Variants in STAM observed in about 807,000 individuals in gnomAD.
STAM encodes the protein signal transducing adapter molecule 1.
In STAM, 16 loss-of-function variants were observed where a neutral mutation model predicts 63.4. That is an observed-to-expected ratio of 0.25 (90% confidence interval 0.17 to 0.38). The LOEUF is 0.38. STAM is among the 10% of genes least tolerant of loss of function. STAM has a pLI of 1.00. For synonymous variants in STAM, 238 were observed against 223.9 expected (o/e 1.06, Z -0.56); for missense variants, 636 against 657.1 (o/e 0.97, Z 0.35).
chr10:17,712,862 G>A (rs890571853), intron 13 of STAM, among the ~76,000 whole-genome samples: 2 of 150,814 alleles, frequency 1.3e-5, no homozygotes, highest in African/African-American at 4.8e-5. Context: ...TACTGGCAGC[G>A]GAGCGGTGGG....
At chr10:17,666,385 G>GTTTTTTTTTTTTTTTTTTTT (rs1425682476) in intron 2 of STAM, among the ~76,000 whole-genome samples, 2 of 102,298 alleles carry the variant, frequency 2.0e-5, no homozygotes, top group Admixed American at 1.1e-4. Flanking sequence ...CCTTGGCTTT[G>GTTTTTTTTTTTTTTTTTTTT]TATTTTTTTT....
At chr10:17,664,639 CTA>C (rs1320171879) in intron 2 of STAM, among the ~76,000 whole-genome samples, 4 of 152,044 alleles carry the variant, frequency 2.6e-5, no homozygotes, top group Non-Finnish European at 5.9e-5. Flanking sequence ...TTAGAGAAGA[CTA>C]TAACATGTAA....
chr10:17,707,175 C>G (rs1977342), intron 12 of STAM, among the ~76,000 whole-genome samples: 1 of 151,794 alleles, frequency 6.6e-6, no homozygotes, highest in Non-Finnish European at 1.5e-5. Flanking sequence ...GTTGGGAGGC[C>G]GAGGCGGGTG....
At chr10:17,651,064 CAAAAAAAAAAA>C (rs10606057) in intron 1 of STAM, among the ~76,000 whole-genome samples, 5 of 55,770 alleles carry the variant, frequency 9.0e-5, no homozygotes, top group Non-Finnish European at 1.6e-4. Context: ...GAGTCCGTCT[CAAAAAAAAAAA>C]AAAAAAAAAA....
chr10:17,670,275 T>C (rs889468107), intron 2 of STAM, among the ~76,000 whole-genome samples: 8 of 152,232 alleles, frequency 5.3e-5, no homozygotes, highest in Admixed American at 2.6e-4. Flanking sequence ...GTATATTTTA[T>C]AGAATGAGAC....
chr10:17,668,365 C>T (rs1834484924), intron 2 of STAM, among the ~76,000 whole-genome samples: 1 of 152,192 alleles, frequency 6.6e-6, no homozygotes, highest in Non-Finnish European at 1.5e-5. Context: ...AACTCCGACA[C>T]AATTTCCCCA....
chr10:17,677,298 A>T (rs1834896502), intron 2 of STAM, among the ~76,000 whole-genome samples: 1 of 152,004 alleles, frequency 6.6e-6, no homozygotes, highest in Admixed American at 6.6e-5. Context: ...TTCCTACCTT[A>T]AAAAAAAGTG....
At chr10:17,714,038 G>T (rs1195911726) in intron 13 of STAM, among the ~76,000 whole-genome samples, 1 of 152,082 alleles carries the variant, frequency 6.6e-6, no homozygotes, top group Non-Finnish European at 1.5e-5. Flanking sequence ...CTCCTCAAAG[G>T]CTTCTTTCTG....
At chr10:17,688,504 C>A (rs908301761) in intron 5 of STAM, among the ~76,000 whole-genome samples, 1 of 151,986 alleles carries the variant, frequency 6.6e-6, no homozygotes, top group East Asian at 1.9e-4. Context: ...TGTTTGTCGC[C>A]CTGGGTAGAG....
intron 2 of STAM, among the ~76,000 whole-genome samples, chr10:17,666,604 A>G (rs554287008): frequency 8.6e-5 from 13 of 151,906 alleles, no homozygotes; most frequent in Admixed American, 8.5e-4. Context: ...TCACCGTGTT[A>G]GCCAGGATGG....
At chr10:17,652,566 C>G (rs1380605279) in intron 1 of STAM, among the ~76,000 whole-genome samples, 1 of 151,998 alleles carries the variant, frequency 6.6e-6, no homozygotes, top group Non-Finnish European at 1.5e-5. Context: ...AAACTGTTAA[C>G]TTTTTAATAA....
intron 1 of STAM, among the ~76,000 whole-genome samples, chr10:17,650,654 T>C (rs1235400865): frequency 2.0e-5 from 3 of 152,326 alleles, no homozygotes; most frequent in South Asian, 2.1e-4. Context: ...TCTCTCAGAT[T>C]AGTACAGTAG....
At position 17,696,981 on chromosome 10, in the gene STAM, G is replaced by A. The variant is rs373106562; in HGVS notation, c.823+112G>A. The A allele has an allele frequency of 3.9e-6, 3 of 771,202 alleles. No homozygotes were observed. In the African/African-American group the frequency reaches 5.2e-5, roughly 13 times the overall value. 47.8% of individuals were successfully genotyped at this position (771,202 alleles called of 1,614,324 possible). ...GTTGCCCAGGCTGGAGTGCAGTGGT[G>A]CGAGCTCGGATCATTGCAACCTCCG... On this transcript the variant is annotated intron_variant, in intron 8 of 13. Transcript: ENST00000377524.
intron 1 of STAM, among the ~76,000 whole-genome samples, chr10:17,647,775 G>T (rs782217338): frequency 6.6e-6 from 1 of 152,110 alleles, no homozygotes; most frequent in Non-Finnish European, 1.5e-5. Flanking sequence ...TATTAAGTAA[G>T]ATTTTAAAAA....
chr10:17,671,938 C>T (rs1350041774), intron 2 of STAM, among the ~76,000 whole-genome samples: 1 of 152,134 alleles, frequency 6.6e-6, no homozygotes, highest in Non-Finnish European at 1.5e-5. Context: ...ACTGTCTTTT[C>T]AATGACAATA....
chr10:17,714,825 G>T lies in STAM; in HGVS notation c.*45G>T. The T allele has an allele frequency of 6.6e-7, 1 of 1,519,112 alleles. No homozygotes were observed. Among genetic ancestry groups the T allele is most frequent in the Non-Finnish European group, 9.1e-7 (1 of 1,093,772 alleles). 94.1% of individuals were successfully genotyped at this position (1,519,112 alleles called of 1,614,324 possible). On this transcript the variant is annotated 3_prime_UTR_variant, in exon 14 of 14. Transcript: ENST00000377524. The stretch of plus-strand genomic sequence containing the variant: ...TGGCAGATACCTGCTAAATGCCACT[G>T]ACAATGTTATGAGATTCATTACTAT...
chr10:17,708,126 G>T (rs577649229), intron 12 of STAM, among the ~76,000 whole-genome samples: 2 of 152,130 alleles, frequency 1.3e-5, no homozygotes, highest in Non-Finnish European at 2.9e-5. Flanking sequence ...TCCTGACCTC[G>T]TGATCTGCCT....
intron 1 of STAM, among the ~76,000 whole-genome samples, chr10:17,656,463 C>G (rs1208314853): frequency 6.6e-6 from 1 of 152,010 alleles, no homozygotes; most frequent in East Asian, 1.9e-4. Flanking sequence ...GGAATTCTGC[C>G]TCTCCACTCC....
intron 2 of STAM, among the ~76,000 whole-genome samples, chr10:17,672,016 C>G (rs1477943457): frequency 6.6e-6 from 1 of 152,104 alleles, no homozygotes; most frequent in Non-Finnish European, 1.5e-5. Flanking sequence ...CTAAAAAGTA[C>G]TTTTCAACTG....
Sources: gnomAD v4.1 joint callset for allele counts (sites outside exome capture counted in the v4.1 genomes callset) on GRCh38, gnomAD v4.1.1 for gene constraint, MANE v1.5 for transcripts, NCBI Gene and HGNC (gene_info 2026-07-23, HGNC 2026-07-21) for gene names.